Variants in FUT9 observed in about 807,000 individuals in gnomAD.
FUT9 encodes the protein fucosyltransferase 9, also known as 4-galactosyl-N-acetylglucosaminide 3-alpha-L-fucosyltransferase 9.
In FUT9, 15 loss-of-function variants were observed where a neutral mutation model predicts 29.7. The ratio of observed to expected loss-of-function variants is 0.51; its 90% CI spans 0.34 to 0.78. The LOEUF (loss-of-function observed/expected upper bound fraction) is 0.78, where lower values mean the gene tolerates loss of function less well. FUT9 is among the 30% of genes least tolerant of loss of function. FUT9 has a pLI of 0.01. For missense variants in FUT9, 319 were observed against 425.4 expected, an observed-to-expected ratio of 0.75 and a Z score of 2.20; for synonymous variants, 169 against 153.7, an observed-to-expected ratio of 1.10 and a Z score of -0.74.
chr6:96,214,804 T>C lies in FUT9; in HGVS notation c.*10569T>C, dbSNP rs1171426038. Reference sequence around the variant, plus strand: ...TTTCATTGCTATGTTATTAAAATGATGGGAATCCTATTTATACATTTATTT... The same window carrying C: ...TTTCATTGCTATGTTATTAAAATGACGGGAATCCTATTTATACATTTATTT... On this transcript the variant is annotated 3_prime_UTR_variant, in exon 3 of 3. Coordinates refer to ENST00000302103, the MANE Select transcript of FUT9 (RefSeq NM_006581.4). The C allele has an allele frequency of 1.2e-5, 2 of 166,976 alleles. No homozygotes were observed. Among genetic ancestry groups the C allele is most frequent in the African/African-American group, 4.8e-5 (2 of 41,442 alleles). 10.3% of individuals were successfully genotyped at this position (166,976 alleles called of 1,614,324 possible). A position where few individuals can be genotyped will look rare whatever the true frequency, so the allele number is the denominator to read the frequency against.
intron 2 of FUT9, among the ~76,000 whole-genome samples, chr6:96,155,431 T>A (rs1233423568): frequency 6.6e-6 from 1 of 152,078 alleles, no homozygotes; most frequent in African/African-American, 2.4e-5. Flanking sequence ...TAATCTAAAA[T>A]GACTGATGTC....
intron 1 of FUT9, among the ~76,000 whole-genome samples, chr6:96,057,901 T>TA (rs1311132678): frequency 1.3e-5 from 2 of 152,192 alleles, no homozygotes; most frequent in Admixed American, 1.3e-4. Flanking sequence ...TTTTGTCTCT[T>TA]AGACTCTCAC....
At position 96,209,573 on chromosome 6, in the gene FUT9, T is replaced by G. The variant is rs1773896287; in HGVS notation, c.*5338T>G. Reference sequence around the variant, plus strand: ...AAAGATATTTATTGATGCAAAAAATTTAGGGAGTCATTGGAAATACCTGAG... The same window carrying G: ...AAAGATATTTATTGATGCAAAAAATGTAGGGAGTCATTGGAAATACCTGAG... On this transcript the variant is annotated 3_prime_UTR_variant, in exon 3 of 3. Coordinates refer to ENST00000302103, the MANE Select transcript of FUT9 (RefSeq NM_006581.4). 6.0e-6 allele frequency: 1 copy of G among 166,886 alleles called. No individual in the cohort carries two copies. The highest frequency in any genetic ancestry group is 1.5e-5 in the Non-Finnish European group (1 of 68,038). 10.3% of individuals were successfully genotyped at this position (166,886 alleles called of 1,614,324 possible). A position where few individuals can be genotyped will look rare whatever the true frequency, so the allele number is the denominator to read the frequency against.
chr6:96,023,061 G>A (rs1432426549), intron 1 of FUT9, among the ~76,000 whole-genome samples: 1 of 151,924 alleles, frequency 6.6e-6, no homozygotes, highest in South Asian at 2.1e-4. Flanking sequence ...AACACAGTGT[G>A]TTGGTTTCTG....
intron 1 of FUT9, among the ~76,000 whole-genome samples, chr6:96,113,537 C>T (rs1313785988): frequency 1.3e-5 from 2 of 151,444 alleles, no homozygotes; most frequent in Non-Finnish European, 2.9e-5. Context: ...TTGCGCCCGA[C>T]CATCAATAAC....
rs1055497799 is a variant in FUT9, at chr6:96,214,679, C to T, written c.*10444C>T. 8.4e-5 allele frequency: 14 copies of T among 166,942 alleles called. No homozygotes were observed. The highest frequency in any genetic ancestry group is 2.7e-4 in the African/African-American group (11 of 41,410). 10.3% of individuals were successfully genotyped at this position (166,942 alleles called of 1,614,324 possible). A position where few individuals can be genotyped will look rare whatever the true frequency, so the allele number is the denominator to read the frequency against. On this transcript the variant is annotated 3_prime_UTR_variant, in exon 3 of 3. Coordinates refer to ENST00000302103, the MANE Select transcript of FUT9 (RefSeq NM_006581.4). ...AATATGTGTGGATCAATCATCTCTC[C>T]TCCCATGAAATTAATCATTCATGGT...
At chr6:96,047,155 G>A (rs556033900) in intron 1 of FUT9, among the ~76,000 whole-genome samples, 1 of 152,206 alleles carries the variant, frequency 6.6e-6, no homozygotes, top group Admixed American at 6.5e-5. Flanking sequence ...AATACAACAT[G>A]TCCTCACAGT....
At chr6:96,165,549 G>A (rs1454057470) in intron 2 of FUT9, among the ~76,000 whole-genome samples, 1 of 149,976 alleles carries the variant, frequency 6.7e-6, no homozygotes, top group Non-Finnish European at 1.5e-5. Flanking sequence ...CCAACCCAAT[G>A]CAAAGACCTT....
intron 1 of FUT9, among the ~76,000 whole-genome samples, chr6:96,035,197 G>C (rs1484054810): frequency 6.6e-6 from 1 of 151,564 alleles, no homozygotes; most frequent in Non-Finnish European, 1.5e-5. Context: ...GAGAGGGAGG[G>C]AGGGAAAGAG....
chr6:96,019,136 T>C (rs146499569), intron 1 of FUT9, among the ~76,000 whole-genome samples: 4 of 151,860 alleles, frequency 2.6e-5, no homozygotes, highest in Non-Finnish European at 5.9e-5. Context: ...TTTTGTGTAA[T>C]CCAATTGATG....
intron 1 of FUT9, among the ~76,000 whole-genome samples, chr6:96,089,462 C>T (rs1027916937): frequency 1.3e-5 from 2 of 152,162 alleles, no homozygotes; most frequent in African/African-American, 2.4e-5. Context: ...TCTCAAAGAA[C>T]GTGTGCTGCC....
intron 1 of FUT9, among the ~76,000 whole-genome samples, chr6:96,108,339 C>T (rs1228862017): frequency 2.0e-5 from 3 of 152,098 alleles, no homozygotes; most frequent in Non-Finnish European, 4.4e-5. Context: ...GTCTGGGTTC[C>T]AGTCCAGCTG....
rs1028732827 is a variant in FUT9, at chr6:96,160,456, T to A, written c.-8-42692T>A. On this transcript the variant is annotated intron_variant, in intron 2 of 2. Coordinates refer to ENST00000302103, the MANE Select transcript of FUT9 (RefSeq NM_006581.4). ...TTGCTTTACCTGATTTGAAGAATAG[T>A]CACTCTGGTCAATCTGGTGAAACAA... Among the ~76,000 whole-genome samples, 5 of 152,216 alleles carry A rather than the reference T, an allele frequency of 3.3e-5. No homozygotes were observed. In the East Asian group the frequency reaches 7.7e-4, roughly 23 times the overall value.
intron 2 of FUT9, among the ~76,000 whole-genome samples, chr6:96,133,645 T>C (rs1772293338): frequency 6.6e-6 from 1 of 151,894 alleles, no homozygotes; most frequent in Admixed American, 6.6e-5. Context: ...TACATTGAAC[T>C]TACTGCCACA....
chr6:96,037,653 T>C (rs1287386337), intron 1 of FUT9, among the ~76,000 whole-genome samples: 1 of 150,468 alleles, frequency 6.6e-6, no homozygotes, highest in African/African-American at 2.5e-5. Context: ...ACTCTGCAAA[T>C]GCTTAGTCAT....
intron 1 of FUT9, among the ~76,000 whole-genome samples, chr6:96,110,357 T>C (rs550584819): frequency 3.5e-4 from 54 of 152,268 alleles, no homozygotes; most frequent in African/African-American, 1.3e-3. Flanking sequence ...CCATATTGCA[T>C]GATAGCTAAA....
At chr6:96,049,713 A>C (rs992859536) in intron 1 of FUT9, among the ~76,000 whole-genome samples, 1 of 152,078 alleles carries the variant, frequency 6.6e-6, no homozygotes, top group Non-Finnish European at 1.5e-5. Context: ...TCCTCTTTAG[A>C]CTCTGTTTTG....
At chr6:96,069,512 G>A (rs1047089708) in intron 1 of FUT9, among the ~76,000 whole-genome samples, 1 of 151,694 alleles carries the variant, frequency 6.6e-6, no homozygotes, top group Non-Finnish European at 1.5e-5. Context: ...AATACCTTTA[G>A]GAAATTTAAA....
intron 2 of FUT9, among the ~76,000 whole-genome samples, chr6:96,202,685 G>T (rs538216237): frequency 1.5e-4 from 23 of 152,222 alleles, no homozygotes; most frequent in African/African-American, 5.5e-4. Flanking sequence ...AAACAGTTTA[G>T]TTTTCTAACG....
Sources: allele counts gnomAD v4.1 joint callset (sites outside exome capture counted in the v4.1 genomes callset), GRCh38; gene constraint gnomAD v4.1.1; transcripts MANE v1.5; gene names NCBI Gene and HGNC (gene_info 2026-07-23, HGNC 2026-07-21).